The following RAB28 variants were observed in gnomAD, a reference collection of about 807,000 sequenced individuals.
RAB28 encodes the protein ras-related protein Rab-28.
Under a neutral mutation model 31.7 loss-of-function variants are expected in RAB28, and 24 were observed. That is an observed-to-expected ratio of 0.76 (90% confidence interval 0.55 to 1.06). The LOEUF (loss-of-function observed/expected upper bound fraction) is 1.06, where lower values mean the gene tolerates loss of function less well. Among genes scored for constraint, RAB28 ranks in the 50% least tolerant of loss-of-function variants. The pLI is 0.00. For synonymous variants in RAB28, 100 were observed against 90.4 expected, an observed-to-expected ratio of 1.11 and a Z score of -0.60; for missense variants, 254 against 258.5, an observed-to-expected ratio of 0.98 and a Z score of 0.12.
intron 6 of RAB28, chr4:13,369,829 C>G: frequency 6.4e-7 from 1 of 1,550,982 alleles, no homozygotes; most frequent in Non-Finnish European, 8.7e-7. Flanking sequence ...AATGGTTCTC[C>G]CTTCCCACCT....
chr4:13,382,767 C>T (rs1048477969), intron 4 of RAB28, among the ~76,000 whole-genome samples: 1 of 144,260 alleles, frequency 6.9e-6, no homozygotes, highest in Non-Finnish European at 1.5e-5. Context: ...GGCATGATCT[C>T]GGCTCACTGC....
At chr4:13,471,502 CTT>C (rs1008641758) in intron 3 of RAB28, among the ~76,000 whole-genome samples, 1 of 151,052 alleles carries the variant, frequency 6.6e-6, no homozygotes, top group Non-Finnish European at 1.5e-5. Flanking sequence ...TATTATCATC[CTT>C]TTTTTTTCTT....
chr4:13,368,786 A>G, intron 6 of RAB28, 136 bp from the exon 7 acceptor site: 1 of 699,866 alleles, frequency 1.4e-6, no homozygotes, highest in South Asian at 2.6e-5. Context: ...AGTTGATATT[A>G]AAAGAATAAG....
chr4:13,463,209 C>T (rs1213133258), intron 3 of RAB28, among the ~76,000 whole-genome samples: 1 of 152,100 alleles, frequency 6.6e-6, no homozygotes, highest in Non-Finnish European at 1.5e-5. Flanking sequence ...CCTCTTAAGA[C>T]TTTTTGAACC....
intron 4 of RAB28, among the ~76,000 whole-genome samples, chr4:13,447,932 C>A (rs1363298836): frequency 6.6e-6 from 1 of 152,030 alleles, no homozygotes. Context: ...AATTAAGCAA[C>A]CTTAAAACTA....
At chr4:13,451,074 G>A (rs1052021327) in intron 4 of RAB28, among the ~76,000 whole-genome samples, 6 of 151,834 alleles carry the variant, frequency 4.0e-5, no homozygotes, top group African/African-American at 1.4e-4. Flanking sequence ...CAGAACTGTA[G>A]GAAAGCAAGT....
chr4:13,374,437 G>T (rs969438241), intron 6 of RAB28, among the ~76,000 whole-genome samples: 5 of 152,086 alleles, frequency 3.3e-5, no homozygotes, highest in Non-Finnish European at 5.9e-5. Flanking sequence ...TTTGCCTCCA[G>T]TTGTTTCATT....
intron 4 of RAB28, among the ~76,000 whole-genome samples, chr4:13,456,602 T>C (rs1715316768): frequency 1.3e-5 from 2 of 152,224 alleles, no homozygotes; most frequent in South Asian, 4.1e-4. Flanking sequence ...TTGTAAGCAG[T>C]CTGTCTAAAT....
chr4:13,411,675 A>G lies in RAB28; in HGVS notation c.392-30081T>C, dbSNP rs192338393. 8.5e-5 allele frequency among the ~76,000 whole-genome samples: 13 copies of G among 152,272 alleles called. No homozygotes were observed. In the East Asian group the frequency reaches 2.3e-3, roughly 27 times the overall value. On this transcript the variant is annotated intron_variant, in intron 4 of 6. Transcript: ENST00000330852. ...TAAGAGTAATTTACTGTTAAAACAT[A>G]TTTTAAAAATAAAATCAGATTAATT... is the stretch of plus-strand genomic sequence containing the variant.
At chr4:13,414,274 C>T (rs563689775) in intron 4 of RAB28, among the ~76,000 whole-genome samples, 12 of 152,248 alleles carry the variant, frequency 7.9e-5, no homozygotes, top group South Asian at 6.2e-4. Context: ...CAGGTTACCA[C>T]GGGAACAGAG....
chr4:13,429,396 A>G (rs1202474470), intron 4 of RAB28, among the ~76,000 whole-genome samples: 1 of 152,232 alleles, frequency 6.6e-6, no homozygotes, highest in Non-Finnish European at 1.5e-5. Flanking sequence ...GAATCCACAA[A>G]AAAAACTATT....
chr4:13,397,065 C>T (rs1159719367), intron 4 of RAB28, among the ~76,000 whole-genome samples: 1 of 152,020 alleles, frequency 6.6e-6, no homozygotes, highest in Non-Finnish European at 1.5e-5. Context: ...TATTTTTAGG[C>T]TCTTAAAATA....
At chr4:13,431,715 C>T (rs938929957) in intron 4 of RAB28, among the ~76,000 whole-genome samples, 1 of 152,024 alleles carries the variant, frequency 6.6e-6, no homozygotes, top group Non-Finnish European at 1.5e-5. Flanking sequence ...CCTGAAAGCA[C>T]CCAGAAACGA....
At chr4:13,435,012 C>A (rs1437502397) in intron 4 of RAB28, among the ~76,000 whole-genome samples, 2 of 125,046 alleles carry the variant, frequency 1.6e-5, no homozygotes, top group Admixed American at 8.4e-5. Context: ...AGCAAGACTC[C>A]GTCTCAAAAA....
At chr4:13,453,096 T>C (rs1024568195) in intron 4 of RAB28, among the ~76,000 whole-genome samples, 6 of 152,160 alleles carry the variant, frequency 3.9e-5, no homozygotes, top group Non-Finnish European at 8.8e-5. Flanking sequence ...CTACTCCTGA[T>C]TGCTTTTGGT....
Position 13,389,824 on chromosome 4 carries a change from T to C in RAB28, c.392-8230A>G, listed in dbSNP as rs550670492. On this transcript the variant is annotated intron_variant, in intron 4 of 6. Coordinates refer to ENST00000330852, the MANE Select transcript of RAB28 (RefSeq NM_001017979.3). The stretch of plus-strand genomic sequence containing the variant: ...GACAAAAACCACATGATTATCTCAA[T>C]AGATGCAGAAAAGGCCTTCAACAAA... Among the ~76,000 whole-genome samples the C allele has an allele frequency of 1.3e-3, 198 of 152,298 alleles. 1 individual carries two copies. Among genetic ancestry groups the C allele is most frequent in the Non-Finnish European group, 2.4e-3 (166 of 68,018 alleles).
chr4:13,403,081 CAG>C, intron 4 of RAB28, among the ~76,000 whole-genome samples: 1 of 152,246 alleles, frequency 6.6e-6, no homozygotes, highest in African/African-American at 2.4e-5. Context: ...AGGTGTGAGT[CAG>C]TGCGCCCGGA....
At chr4:13,433,812 A>G (rs570410168) in intron 4 of RAB28, among the ~76,000 whole-genome samples, 1 of 152,274 alleles carries the variant, frequency 6.6e-6, no homozygotes, top group East Asian at 1.9e-4. Flanking sequence ...ATGAAGGTAT[A>G]TAACTACAGG....
chr4:13,389,551 A>C (rs1729535670), intron 4 of RAB28, among the ~76,000 whole-genome samples: 1 of 152,172 alleles, frequency 6.6e-6, no homozygotes, highest in African/African-American at 2.4e-5. Context: ...AAATTTATAC[A>C]AAAGTAAATA....
Sources: gnomAD v4.1 joint callset for allele counts (sites outside exome capture counted in the v4.1 genomes callset) on GRCh38, gnomAD v4.1.1 for gene constraint, MANE v1.5 for transcripts, NCBI Gene and HGNC (gene_info 2026-07-23, HGNC 2026-07-21) for gene names.